The following SULF2 variants were observed in gnomAD, a reference collection of about 807,000 sequenced individuals.
The protein encoded by SULF2 is sulfatase 2.
SULF2 carries 52 observed loss-of-function variants against 107.7 expected under a neutral mutation model. The ratio of observed to expected loss-of-function variants is 0.48; its 90% CI spans 0.39 to 0.61. SULF2 has a LOEUF of 0.61. Ranked by LOEUF, SULF2 falls within the 20% of genes least tolerant of loss-of-function variation. The pLI is 0.00. For synonymous variants in SULF2, 460 were observed against 464.3 expected, an observed-to-expected ratio of 0.99 and a Z score of 0.12; for missense variants, 993 against 1,177.3, an observed-to-expected ratio of 0.84 and a Z score of 2.29.
At chr20:47,780,175 C>A (rs1234385349) in intron 1 of SULF2, among the ~76,000 whole-genome samples, 1 of 151,960 alleles carries the variant, frequency 6.6e-6, no homozygotes, top group Non-Finnish European at 1.5e-5. Context: ...TGCCACCACA[C>A]CTGGCTAATG....
At chr20:47,749,138 C>G (rs80206903) in intron 2 of SULF2, among the ~76,000 whole-genome samples, 4 of 152,056 alleles carry the variant, frequency 2.6e-5, no homozygotes, top group Non-Finnish European at 5.9e-5. Flanking sequence ...ATGGAAGCTA[C>G]GCAGTAAGTA....
chr20:47,664,324 GGTA>G (rs1230629765), intron 14 of SULF2, 135 bp from the exon 15 acceptor site: 1 of 840,852 alleles, frequency 1.2e-6, no homozygotes, highest in East Asian at 2.7e-5. Context: ...GGTGGTGGTG[GGTA>G]GGGCATGACC....
In SULF2 at chr20:47,739,195, T is replaced by C. The variant is rs2089818583; in HGVS notation, c.176-2253A>G. Among the ~76,000 whole-genome samples the C allele has an allele frequency of 2.0e-5, 3 of 152,240 alleles. No individual in the cohort carries two copies. The East Asian group carries it at 5.8e-4, about 29-fold the overall frequency. On this transcript the variant is annotated intron_variant, in intron 2 of 20. Transcript: ENST00000688720. ...TTTCTGTTGTTTTAAGCCACCCAGT[T>C]TGTGATCTGTTAGGACAGCAGTGGG...
At chr20:47,723,301 A>G (rs1458698760) in intron 3 of SULF2, among the ~76,000 whole-genome samples, 1 of 152,102 alleles carries the variant, frequency 6.6e-6, no homozygotes, top group Non-Finnish European at 1.5e-5. Flanking sequence ...AGGGGGCGAG[A>G]AGTCCTAAGA....
At chr20:47,658,710 A>G (rs1419279963) in intron 20 of SULF2, among the ~76,000 whole-genome samples, 1 of 152,244 alleles carries the variant, frequency 6.6e-6, no homozygotes, top group African/African-American at 2.4e-5. Flanking sequence ...GTCCTATTAA[A>G]GCCACACAGG....
intron 3 of SULF2, among the ~76,000 whole-genome samples, chr20:47,726,289 T>A (rs1199986479): frequency 6.6e-6 from 1 of 152,142 alleles, no homozygotes; most frequent in African/African-American, 2.4e-5. Context: ...TACTGCAGCC[T>A]CAAACTCCTA....
intron 1 of SULF2, among the ~76,000 whole-genome samples, chr20:47,780,014 A>ACT (rs1469098160): frequency 3.6e-5 from 4 of 112,016 alleles, no homozygotes; most frequent in East Asian, 2.8e-4. Context: ...ACCCTAGTTG[A>ACT]CTTTTTTTTT....
chr20:47,659,371 C>G, intron 20 of SULF2, 28 bp downstream of exon 20: 1 of 1,611,044 alleles, frequency 6.2e-7, no homozygotes. Flanking sequence ...AACCAGATTT[C>G]TATTTGTAAG....
At chr20:47,697,184 A>G (rs1319503337) in intron 4 of SULF2, among the ~76,000 whole-genome samples, 1 of 151,920 alleles carries the variant, frequency 6.6e-6, no homozygotes, top group Non-Finnish European at 1.5e-5. Context: ...TTCCCTTCCC[A>G]CTAACAACTG....
At chr20:47,765,775 T>C (rs1409879426) in intron 1 of SULF2, among the ~76,000 whole-genome samples, 1 of 152,242 alleles carries the variant, frequency 6.6e-6, no homozygotes, top group Non-Finnish European at 1.5e-5. Context: ...CAAGCCAGCA[T>C]GGCTATTTGC....
Position 47,672,093 on chromosome 20 carries a change from C to T in SULF2, c.1576+105G>A, listed in dbSNP as rs565120411. 10 of 1,271,802 alleles carry T rather than the reference C, an allele frequency of 7.9e-6. No individual in the cohort carries two copies. The South Asian group carries it at 1.4e-4, about 18-fold the overall frequency. 78.8% of individuals were successfully genotyped at this position (1,271,802 alleles called of 1,614,324 possible). A position where few individuals can be genotyped will look rare whatever the true frequency, so the allele number is the denominator to read the frequency against. On this transcript the variant is annotated intron_variant, in intron 11 of 20. Coordinates refer to ENST00000688720, the MANE Select transcript of SULF2 (RefSeq NM_001387048.1). ...TGTGTCCCCAGCCCCTAGATCACCA[C>T]CTGGCAAAGTGACAGTCTCTGTGGA...
At chr20:47,772,918 T>C (rs1268986689) in intron 1 of SULF2, among the ~76,000 whole-genome samples, 1 of 152,130 alleles carries the variant, frequency 6.6e-6, no homozygotes, top group Non-Finnish European at 1.5e-5. Context: ...CAGTGGCCTT[T>C]GTCTAAAGCA....
chr20:47,679,278 C>T (rs746973730), intron 7 of SULF2, among the ~76,000 whole-genome samples: 11 of 152,098 alleles, frequency 7.2e-5, no homozygotes, highest in Admixed American at 1.3e-4. Context: ...CAGGGGCCAC[C>T]GTCCCTCACC....
chr20:47,707,177 T>C (rs1379798617), intron 3 of SULF2, among the ~76,000 whole-genome samples: 2 of 152,066 alleles, frequency 1.3e-5, no homozygotes, highest in Admixed American at 1.3e-4. Flanking sequence ...TTAGTAGAGA[T>C]AGGGTTTCAC....
Position 47,666,390 on chromosome 20 carries a change from G to A in SULF2, c.1675C>T (p.Pro559Ser), listed in dbSNP as rs753305186. ...YHVGLGDAAQPRNLTKRHWPG... is the reference protein window; with the variant it reads ...YHVGLGDAAQSRNLTKRHWPG... ...CAGTGCCGCTTGGTGAGGTTTCGGG[G>A]CTGGGCGGCATCACCCAGGCCTACG... Residue 559 changes from proline to serine, a missense_variant, in exon 12 of 21, where the codon CCC becomes TCC. Physicochemically the swap from Pro to Ser is moderately conservative, Grantham distance 74 (BLOSUM62 -1). This residue lies in a region of SULF2 where 497 missense variants were observed against 544.1 expected (regional missense o/e 0.91). Transcript: ENST00000688720. The surrounding 1 kb of genome is among the most constrained non-coding windows in gnomAD (Gnocchi z 5.4). 6.2e-7 allele frequency: 1 copy of A among 1,613,996 alleles called. No homozygotes were observed. The highest frequency in any genetic ancestry group is 1.7e-5 in the Admixed American group (1 of 60,016).
Position 47,658,158 on chromosome 20 carries a change from G to T in SULF2, c.*204C>A. On this transcript the variant is annotated 3_prime_UTR_variant, in exon 21 of 21. Transcript: ENST00000688720. Reference sequence around the variant, plus strand: ...TGAGGTATAATCCAAAGCAAAAGCAGGGGCAAAAATGGACTTCCTGAAGTT... The same window carrying T: ...TGAGGTATAATCCAAAGCAAAAGCATGGGCAAAAATGGACTTCCTGAAGTT... 1.6e-6 allele frequency: 1 copy of T among 614,428 alleles called. No homozygotes were observed. The highest frequency in any genetic ancestry group is 2.9e-6 in the Non-Finnish European group (1 of 342,332). 38.1% of individuals were successfully genotyped at this position (614,428 alleles called of 1,614,324 possible).
At chr20:47,669,350 A>C (rs1049081053) in intron 11 of SULF2, among the ~76,000 whole-genome samples, 1 of 151,884 alleles carries the variant, frequency 6.6e-6, no homozygotes, top group African/African-American at 2.4e-5. Context: ...CAACCTTACC[A>C]CTGCGGACAC....
chr20:47,677,637 T>A (rs1226022404), intron 8 of SULF2, among the ~76,000 whole-genome samples: 3 of 152,184 alleles, frequency 2.0e-5, no homozygotes, highest in Non-Finnish European at 4.4e-5. Context: ...AGTATTTTCT[T>A]CTTTGGTGCT....
At chr20:47,692,865 A>C (rs2088242116) in intron 4 of SULF2, among the ~76,000 whole-genome samples, 2 of 152,246 alleles carry the variant, frequency 1.3e-5, no homozygotes, top group Non-Finnish European at 2.9e-5. Flanking sequence ...AGAGCAAGCA[A>C]CAGAGTCAAA....
Sources: gnomAD v4.1 joint callset for allele counts (sites outside exome capture counted in the v4.1 genomes callset) on GRCh38, gnomAD v4.1.1 for gene constraint, gnomAD v4.1.1 regional missense constraint, Gnocchi (gnomAD v3.1) non-coding constraint, MANE v1.5 for transcripts, NCBI Gene and HGNC (gene_info 2026-07-23, HGNC 2026-07-21) for gene names.